CPNE5: variants seen among roughly 807,000 people sequenced by gnomAD.
The protein encoded by CPNE5 is copine-5.
CPNE5 carries 42 observed loss-of-function variants against 81.1 expected under a neutral mutation model. The observed-to-expected ratio is 0.52, with a 90% confidence interval of 0.40 to 0.67. The LOEUF is 0.67. Among genes scored for constraint, CPNE5 ranks in the 30% least tolerant of loss-of-function variants. CPNE5 has a pLI of 0.00. For synonymous variants in CPNE5, 313 were observed against 321.5 expected (o/e 0.97, Z 0.28); for missense variants, 612 against 815.5 (o/e 0.75, Z 3.04).
intron 10 of CPNE5, among the ~76,000 whole-genome samples, chr6:36,767,159 GA>G (rs1766634014): frequency 6.6e-6 from 1 of 152,182 alleles, no homozygotes; most frequent in South Asian, 2.1e-4. Flanking sequence ...CCCGGCCTCT[GA>G]TAGTTTTTCG....
rs143965947 is a variant in CPNE5 at position 36,747,945 on chromosome 6, T to C, written c.1018+276A>G. 1.1e-3 allele frequency among the ~76,000 whole-genome samples: 168 copies of C among 152,318 alleles called. 1 individual carries two copies. Among genetic ancestry groups the C allele is most frequent in the African/African-American group, 3.7e-3 (155 of 41,564 alleles). ...GGGGAAACATCTCCAGGGCCCTCCA[T>C]AGGCCCAGAGTACACACAATCCCAT... On this transcript the variant is annotated intron_variant, in intron 15 of 20. Coordinates refer to ENST00000244751, the MANE Select transcript of CPNE5 (RefSeq NM_020939.2).
In CPNE5 at chr6:36,742,492, A is replaced by G. The variant is rs3752480; in HGVS notation, c.1564-6T>C. The G allele has an allele frequency of 0.19, 311,842 of 1,607,348 alleles. 31,702 individuals are homozygous for G. Among genetic ancestry groups the G allele is most frequent in the East Asian group, 0.28 (12,623 of 44,752 alleles). Reference sequence around the variant, plus strand: ...TAGTCCCGGAAGGGTACAAACTGGCAAGTGGGAGGGCAGGGTCAGGCAGTG... The same window carrying G: ...TAGTCCCGGAAGGGTACAAACTGGCGAGTGGGAGGGCAGGGTCAGGCAGTG... On this transcript the variant is annotated splice_polypyrimidine_tract_variant and splice_region_variant and intron_variant, in intron 20 of 20. Coordinates refer to ENST00000244751, the MANE Select transcript of CPNE5 (RefSeq NM_020939.2).
At chr6:36,815,429 G>C (rs1175787964) in intron 3 of CPNE5, among the ~76,000 whole-genome samples, 1 of 152,162 alleles carries the variant, frequency 6.6e-6, no homozygotes. Flanking sequence ...GTGAGGCTTT[G>C]GGGAGGTGAT....
chr6:36,796,745 C>G (rs1222376243), intron 6 of CPNE5, among the ~76,000 whole-genome samples: 3 of 152,164 alleles, frequency 2.0e-5, no homozygotes, highest in Non-Finnish European at 2.9e-5. Flanking sequence ...GGTTTTCCCC[C>G]ATTCTCAATA....
chr6:36,771,612 C>T (rs1490005703), intron 10 of CPNE5, among the ~76,000 whole-genome samples: 2 of 152,158 alleles, frequency 1.3e-5, no homozygotes, highest in Non-Finnish European at 2.9e-5. Flanking sequence ...TCAATAGGCC[C>T]CCACAGCACC....
chr6:36,820,695 T>A (rs1392751603), intron 3 of CPNE5, among the ~76,000 whole-genome samples: 5 of 151,550 alleles, frequency 3.3e-5, no homozygotes. Context: ...ATCCCAGCAG[T>A]TCGGGAGGCA....
intron 1 of CPNE5, among the ~76,000 whole-genome samples, chr6:36,826,438 C>T (rs1772508935): frequency 6.6e-6 from 1 of 152,202 alleles, no homozygotes; most frequent in African/African-American, 2.4e-5. Context: ...TATTCCTGTC[C>T]TTCCTCAGTT....
chr6:36,779,038 T>C, intron 8 of CPNE5, 81 bp from the exon 9 acceptor site: 2 of 916,732 alleles, frequency 2.2e-6, no homozygotes, highest in Non-Finnish European at 3.6e-6. Context: ...GCATGAGGAG[T>C]CCAGGCACCA....
chr6:36,743,392 G>A (rs983086989), intron 20 of CPNE5, among the ~76,000 whole-genome samples: 4 of 152,228 alleles, frequency 2.6e-5, no homozygotes, highest in Non-Finnish European at 4.4e-5. Flanking sequence ...AAACCAGAAC[G>A]AGGCTGACCA....
chr6:36,786,045 A>G (rs1174736706), intron 8 of CPNE5, among the ~76,000 whole-genome samples: 2 of 151,874 alleles, frequency 1.3e-5, no homozygotes, highest in African/African-American at 4.8e-5. Flanking sequence ...ATTTAAAAAG[A>G]AGGACCACGG....
intron 3 of CPNE5, among the ~76,000 whole-genome samples, chr6:36,804,480 A>G (rs751162011): frequency 5.3e-5 from 8 of 152,184 alleles, no homozygotes; most frequent in Non-Finnish European, 1.0e-4. Flanking sequence ...GCTTTCTTGC[A>G]AAATATTCCA....
intron 8 of CPNE5, among the ~76,000 whole-genome samples, chr6:36,789,927 A>G (rs535892317): frequency 6.6e-6 from 1 of 152,180 alleles, no homozygotes; most frequent in South Asian, 2.1e-4. Flanking sequence ...TCACATATGA[A>G]TTTTTTTGGT....
At chr6:36,773,211 C>T (rs1049535706) in intron 10 of CPNE5, among the ~76,000 whole-genome samples, 2 of 152,138 alleles carry the variant, frequency 1.3e-5, no homozygotes, top group South Asian at 2.1e-4. Context: ...GTGCTCCTGT[C>T]GGAGTGGCCC....
At chr6:36,759,306 C>G (rs575500287) in intron 12 of CPNE5, among the ~76,000 whole-genome samples, 41 of 152,266 alleles carry the variant, frequency 2.7e-4, no homozygotes, top group Middle Eastern at 6.8e-3. Flanking sequence ...CTCAGCCTCT[C>G]CAGCCCCGCC....
Position 36,745,057 on chromosome 6 carries a change from G to A in CPNE5, c.1422C>T (p.Ala474=). ...VISDMAQTKE[A]IVNAAKLPMS... ...CACACTCCTTGCTTACGTTGACAATGGCCTCCTTGGTCTGCGCCATGTCCG... is the reference window on the plus strand; with the variant it reads ...CACACTCCTTGCTTACGTTGACAATAGCCTCCTTGGTCTGCGCCATGTCCG... The change falls in exon 18 of 21, where the codon GCC becomes GCT. Residue 474 remains alanine (A), a synonymous_variant. Coordinates refer to ENST00000244751, the MANE Select transcript of CPNE5 (RefSeq NM_020939.2). The A allele has an allele frequency of 1.2e-6, 2 of 1,612,752 alleles. No individual in the cohort carries two copies. The highest frequency in any genetic ancestry group is 1.7e-6 in the Non-Finnish European group (2 of 1,178,704).
intron 3 of CPNE5, among the ~76,000 whole-genome samples, chr6:36,820,785 A>G (rs533346837): frequency 6.6e-6 from 1 of 152,022 alleles, no homozygotes; most frequent in African/African-American, 2.4e-5. Flanking sequence ...CAAAAGAAAA[A>G]AAAATTGTTT....
chr6:36,764,329 C>T (rs1296509310), intron 11 of CPNE5, among the ~76,000 whole-genome samples: 2 of 151,928 alleles, frequency 1.3e-5, no homozygotes, highest in Non-Finnish European at 2.9e-5. Context: ...GAGGGCATAG[C>T]GGCTCTGGAG....
intron 1 of CPNE5, among the ~76,000 whole-genome samples, chr6:36,836,470 C>T (rs1170774354): frequency 6.6e-6 from 1 of 152,162 alleles, no homozygotes; most frequent in Non-Finnish European, 1.5e-5. Context: ...ATAATCTTCC[C>T]TGAAACATTG....
intron 12 of CPNE5, among the ~76,000 whole-genome samples, chr6:36,757,859 G>C (rs1316325902): frequency 1.3e-5 from 2 of 152,174 alleles, no homozygotes; most frequent in African/African-American, 4.8e-5. Flanking sequence ...GAAATGAATA[G>C]AACCCAGGCC....
Sources: gnomAD v4.1 joint callset for allele counts (sites outside exome capture counted in the v4.1 genomes callset) on GRCh38, gnomAD v4.1.1 for gene constraint, MANE v1.5 for transcripts, NCBI Gene and HGNC (gene_info 2026-07-23, HGNC 2026-07-21) for gene names.